Variants in NBEA observed in about 807,000 individuals in gnomAD.
NBEA encodes the protein lysosomal-trafficking regulator 2.
A neutral mutation model predicts 343.4 loss-of-function variants in NBEA; 44 were observed. The observed-to-expected ratio is 0.13, with a 90% CI of 0.10 to 0.16. The LOEUF (loss-of-function observed/expected upper bound fraction) is 0.16. Among genes scored for constraint, NBEA ranks in the 10% least tolerant of loss-of-function variants. NBEA has a pLI of 1.00. For synonymous variants in NBEA, 1,175 were observed against 1,238.7 expected (o/e 0.95, Z 1.08); for missense variants, 2,555 against 3,631.3 (o/e 0.70, Z 7.62).
At chr13:35,430,453 G>A (rs2045027955) in intron 38 of NBEA, among the ~76,000 whole-genome samples, 1 of 151,996 alleles carries the variant, frequency 6.6e-6, no homozygotes, top group Non-Finnish European at 1.5e-5. Context: ...GTTTAATTAA[G>A]TCCCATCTAT....
At chr13:35,399,831 A>G (rs1414116653) in intron 38 of NBEA, among the ~76,000 whole-genome samples, 1 of 152,080 alleles carries the variant, frequency 6.6e-6, no homozygotes, top group Admixed American at 6.6e-5. Context: ...TCTCCTGAAC[A>G]GTTAGAGGCC....
intron 6 of NBEA, among the ~76,000 whole-genome samples, chr13:35,054,892 C>T (rs1250496266): frequency 6.6e-6 from 1 of 151,996 alleles, no homozygotes; most frequent in Non-Finnish European, 1.5e-5. Context: ...GATCTGCCCA[C>T]CTTGGCCTCC....
At chr13:34,943,713 T>C (rs1004021579) in intron 1 of NBEA, among the ~76,000 whole-genome samples, 2 of 152,200 alleles carry the variant, frequency 1.3e-5, no homozygotes, top group African/African-American at 4.8e-5. Flanking sequence ...GAAGCAGCCG[T>C]CCCTTCTTTG....
At chr13:35,355,595 G>A (rs2040448114) in intron 38 of NBEA, among the ~76,000 whole-genome samples, 1 of 151,992 alleles carries the variant, frequency 6.6e-6, no homozygotes, top group South Asian at 2.1e-4. Context: ...ATTCACTGAG[G>A]GGGAAAATAA....
In NBEA at chr13:34,951,537, A is replaced by C. The variant is rs566514995; in HGVS notation, c.294+8423A>C. On this transcript the variant is annotated intron_variant, in intron 1 of 58. Transcript: ENST00000379939. ...ATTTTAGCTTGGAGTACCTGAGCCT[A>C]GTGACCTGTCAGGGAGGGGACTCTT... Among the ~76,000 whole-genome samples, 27 of 152,342 alleles carry C rather than the reference A, an allele frequency of 1.8e-4. No individual in the cohort carries two copies. The South Asian group carries it at 5.6e-3, about 32-fold the overall frequency.
At chr13:35,120,461 A>C (rs2066734759) in intron 16 of NBEA, among the ~76,000 whole-genome samples, 1 of 152,196 alleles carries the variant, frequency 6.6e-6, no homozygotes, top group Non-Finnish European at 1.5e-5. Flanking sequence ...AAGATGAAAA[A>C]AATAGGCTTA....
chr13:35,645,956 A>C (rs1336532634), intron 50 of NBEA, 25 bp downstream of exon 50: 1 of 1,459,034 alleles, frequency 6.9e-7, no homozygotes, highest in South Asian at 1.3e-5. Flanking sequence ...TTTAGTGTGG[A>C]AAGTGTTCTT....
intron 1 of NBEA, among the ~76,000 whole-genome samples, chr13:34,954,385 A>G (rs2059432119): frequency 6.6e-6 from 1 of 152,190 alleles, no homozygotes; most frequent in Admixed American, 6.5e-5. Flanking sequence ...TTAACATAGT[A>G]TCTGGCATTT....
intron 1 of NBEA, among the ~76,000 whole-genome samples, chr13:35,030,573 G>T (rs571070182): frequency 6.6e-6 from 1 of 151,748 alleles, no homozygotes; most frequent in South Asian, 2.1e-4. Context: ...AGGATCGTTA[G>T]AGAATTGTTT....
At chr13:35,345,839 A>C (rs188103530) in intron 36 of NBEA, among the ~76,000 whole-genome samples, 19 of 152,218 alleles carry the variant, frequency 1.2e-4, no homozygotes, top group African/African-American at 4.1e-4. Flanking sequence ...AAATGAAGCT[A>C]CTTATGGCCA....
intron 1 of NBEA, among the ~76,000 whole-genome samples, chr13:34,974,010 A>G (rs1037667675): frequency 1.3e-5 from 2 of 152,248 alleles, no homozygotes; most frequent in South Asian, 2.1e-4. Flanking sequence ...GAGTGGGTTC[A>G]TGAAGGGATC....
At chr13:35,027,472 G>C (rs1185735944) in intron 1 of NBEA, among the ~76,000 whole-genome samples, 8 of 149,836 alleles carry the variant, frequency 5.3e-5, no homozygotes, top group African/African-American at 1.7e-4. Context: ...ATAACTCTTT[G>C]TGCCATCCAT....
intron 34 of NBEA, among the ~76,000 whole-genome samples, chr13:35,259,547 A>G (rs1372478490): frequency 6.6e-6 from 1 of 152,114 alleles, no homozygotes; most frequent in African/African-American, 2.4e-5. Flanking sequence ...GATAGATTCT[A>G]TTTTCACATT....
At chr13:34,960,222 T>G (rs888002116) in intron 1 of NBEA, among the ~76,000 whole-genome samples, 2 of 152,062 alleles carry the variant, frequency 1.3e-5, no homozygotes, top group Admixed American at 1.3e-4. Context: ...CACAAAAGTT[T>G]AAAAAGTTAA....
chr13:35,579,824 G>A (rs1466856543), intron 45 of NBEA, among the ~76,000 whole-genome samples: 1 of 152,026 alleles, frequency 6.6e-6, no homozygotes, highest in Non-Finnish European at 1.5e-5. Flanking sequence ...CAAGCTTTTT[G>A]TGGCACTGAA....
intron 36 of NBEA, among the ~76,000 whole-genome samples, chr13:35,335,449 A>T (rs2039193678): frequency 1.3e-5 from 2 of 152,054 alleles, no homozygotes; most frequent in South Asian, 4.1e-4. Context: ...GGTCATTTTA[A>T]CACTGTTGAT....
At chr13:34,961,083 A>G (rs997331794) in intron 1 of NBEA, among the ~76,000 whole-genome samples, 3 of 152,036 alleles carry the variant, frequency 2.0e-5, no homozygotes, top group African/African-American at 7.2e-5. Flanking sequence ...CAACGAAAGA[A>G]TGGTTGTAGT....
intron 36 of NBEA, among the ~76,000 whole-genome samples, chr13:35,343,842 C>T (rs2039725578): frequency 6.6e-6 from 1 of 152,044 alleles, no homozygotes; most frequent in African/African-American, 2.4e-5. Flanking sequence ...ACTGATTCTA[C>T]ATTATGGTGA....
At chr13:35,002,749 C>T (rs1288020645) in intron 1 of NBEA, among the ~76,000 whole-genome samples, 1 of 152,100 alleles carries the variant, frequency 6.6e-6, no homozygotes, top group African/African-American at 2.4e-5. Flanking sequence ...TTTGTTTATT[C>T]CTGTAGTATA....
Sources: allele counts gnomAD v4.1 joint callset (sites outside exome capture counted in the v4.1 genomes callset), GRCh38; gene constraint gnomAD v4.1.1; transcripts MANE v1.5; gene names NCBI Gene and HGNC (gene_info 2026-07-23, HGNC 2026-07-21).